The following LINGO2 variants were observed in gnomAD, a reference collection of about 807,000 sequenced individuals.
The protein encoded by LINGO2 is leucine rich repeat and Ig domain containing 2.
Under a neutral mutation model 30.6 loss-of-function variants are expected in LINGO2, and 14 were observed. The ratio of observed to expected loss-of-function variants is 0.46; its 90% CI spans 0.30 to 0.72. The LOEUF is 0.72. Ranked by LOEUF, LINGO2 falls within the 30% of genes least tolerant of loss-of-function variation. LINGO2 has a pLI of 0.07. For synonymous variants in LINGO2, 317 were observed against 288.5 expected (o/e 1.10, Z -1.00); for missense variants, 729 against 751.7 (o/e 0.97, Z 0.35).
the LINGO2 span, among the ~76,000 whole-genome samples, chr9:29,038,204 A>G: frequency 6.8e-4 from 103 of 152,216 alleles, no homozygotes; most frequent in African/African-American, 2.3e-3. Flanking sequence ...AACTGTTTCC[A>G]AAGTGGTTGT....
Position 28,247,819 on chromosome 9 carries a change from A to G in LINGO2, c.-87+47389T>C, listed in dbSNP as rs181802556. 2.6e-5 allele frequency among the ~76,000 whole-genome samples: 4 copies of G among 152,322 alleles called. No individual in the cohort carries two copies. In the East Asian group the frequency reaches 5.8e-4, roughly 22 times the overall value. ...AAAAGATTTGAATGGAAATTTCTCA[A>G]AAGAAGACATACAAATGGCAAACAT... On this transcript the variant is annotated intron_variant, in intron 4 of 5. Transcript: ENST00000379992.
the LINGO2 span, among the ~76,000 whole-genome samples, chr9:28,989,294 T>C: frequency 5.9e-3 from 894 of 152,306 alleles, 8 homozygotes; most frequent in African/African-American, 0.021. Flanking sequence ...AATATTAGCA[T>C]TGCATCAAGA....
chr9:28,050,779 C>T (rs1147820), intron 4 of LINGO2, among the ~76,000 whole-genome samples: 91,674 of 150,272 alleles, frequency 0.61, 29,270 homozygotes, highest in South Asian at 0.74. Context: ...TTAAAATATT[C>T]ATGTAATTCA....
At chr9:28,848,085 C>CGTGTATG in the LINGO2 span, among the ~76,000 whole-genome samples, 1 of 70,388 alleles carries the variant, frequency 1.4e-5, no homozygotes, top group African/African-American at 7.0e-5. Flanking sequence ...TATATACACA[C>CGTGTATG]TATATATACG....
chr9:28,241,597 T>G (rs1240531842), intron 4 of LINGO2, among the ~76,000 whole-genome samples: 1 of 152,118 alleles, frequency 6.6e-6, no homozygotes, highest in Non-Finnish European at 1.5e-5. Flanking sequence ...ACCCCCAGTG[T>G]AGCACACCCC....
At chr9:28,570,363 T>C (rs1823624646) in intron 1 of LINGO2, among the ~76,000 whole-genome samples, 1 of 151,890 alleles carries the variant, frequency 6.6e-6, no homozygotes, top group Admixed American at 6.6e-5. Flanking sequence ...TTGCAACCCA[T>C]ACATTAGTAT....
intron 4 of LINGO2, among the ~76,000 whole-genome samples, chr9:28,100,648 T>G (rs934545891): frequency 5.9e-5 from 9 of 152,182 alleles, no homozygotes; most frequent in African/African-American, 2.2e-4. Flanking sequence ...AATGTTTCCT[T>G]GCTAACACAG....
At chr9:28,641,793 C>A (rs60419131) in intron 1 of LINGO2, among the ~76,000 whole-genome samples, 4,541 of 152,182 alleles carry the variant, frequency 0.03, 213 homozygotes, top group African/African-American at 0.097. Flanking sequence ...AGGAGTCAGT[C>A]ATTGGCAGTG....
At chr9:29,033,434 T>C in the LINGO2 span, among the ~76,000 whole-genome samples, 1 of 150,326 alleles carries the variant, frequency 6.7e-6, no homozygotes, top group African/African-American at 2.4e-5. Flanking sequence ...TATAAGACCA[T>C]TATTTTTGAT....
At chr9:28,838,476 G>A in the LINGO2 span, among the ~76,000 whole-genome samples, 1 of 151,964 alleles carries the variant, frequency 6.6e-6, no homozygotes, top group Admixed American at 6.6e-5. Context: ...AACTTTTGAG[G>A]ATCCTCAATT....
intron 1 of LINGO2, among the ~76,000 whole-genome samples, chr9:28,541,649 G>A (rs1821703812): frequency 6.6e-6 from 1 of 152,080 alleles, no homozygotes; most frequent in Non-Finnish European, 1.5e-5. Context: ...AAATAAAAAT[G>A]TGCAACTCAC....
At chr9:28,375,774 C>T (rs1821106979) in intron 2 of LINGO2, among the ~76,000 whole-genome samples, 1 of 152,156 alleles carries the variant, frequency 6.6e-6, no homozygotes, top group Non-Finnish European at 1.5e-5. Flanking sequence ...GGGAAATTTG[C>T]ATTTCCTGTT....
intron 1 of LINGO2, among the ~76,000 whole-genome samples, chr9:28,650,703 G>C (rs896451692): frequency 6.6e-6 from 1 of 152,012 alleles, no homozygotes; most frequent in African/African-American, 2.4e-5. Context: ...TAATAAACGA[G>C]CCCCTTCTCT....
chr9:28,027,707 G>A (rs10968289), intron 4 of LINGO2, among the ~76,000 whole-genome samples: 9,937 of 152,204 alleles, frequency 0.065, 411 homozygotes, highest in Non-Finnish European at 0.094. Context: ...GATTAAATGC[G>A]AGGTGGTATA....
chr9:28,498,799 C>T (rs9298900), intron 1 of LINGO2, among the ~76,000 whole-genome samples: 24,965 of 151,848 alleles, frequency 0.16, 2,323 homozygotes, highest in African/African-American at 0.24. Context: ...ATCTTGGAAC[C>T]GCCCCCCTCC....
intron 3 of LINGO2, among the ~76,000 whole-genome samples, chr9:28,367,565 C>T (rs1224549396): frequency 6.6e-6 from 1 of 151,982 alleles, no homozygotes; most frequent in Non-Finnish European, 1.5e-5. Context: ...GAGAGTATTG[C>T]TCCATGGAAT....
chr9:27,959,225 G>A (rs1158691356), intron 5 of LINGO2, among the ~76,000 whole-genome samples: 2 of 147,310 alleles, frequency 1.4e-5, no homozygotes, highest in Non-Finnish European at 2.9e-5. Context: ...ACCAACTTTT[G>A]CTTGTATTGA....
intron 4 of LINGO2, among the ~76,000 whole-genome samples, chr9:28,212,559 T>C (rs1380113170): frequency 1.3e-5 from 2 of 151,470 alleles, no homozygotes; most frequent in Non-Finnish European, 3.0e-5. Context: ...TAAAGATTCT[T>C]GTCTATATAC....
At chr9:28,514,218 C>T (rs112067911) in intron 1 of LINGO2, among the ~76,000 whole-genome samples, 55 of 152,180 alleles carry the variant, frequency 3.6e-4, no homozygotes, top group Middle Eastern at 3.4e-3. Flanking sequence ...TTCTTGGAGA[C>T]GCAACAACAT....
Sources: gnomAD v4.1 joint callset for allele counts (sites outside exome capture counted in the v4.1 genomes callset) on GRCh38, gnomAD v4.1.1 for gene constraint, MANE v1.5 for transcripts, NCBI Gene and HGNC (gene_info 2026-07-23, HGNC 2026-07-21) for gene names.